ATXN1: variants seen among roughly 807,000 people sequenced by gnomAD.
ATXN1 encodes the protein ataxin 1.
ATXN1 carries 8 observed loss-of-function variants against 56.4 expected under a neutral mutation model. The observed-to-expected ratio is 0.14, with a 90% confidence interval of 0.08 to 0.26. The LOEUF is 0.26. Ranked by LOEUF, ATXN1 falls within the 10% of genes least tolerant of loss-of-function variation. ATXN1 has a pLI of 1.00. For missense variants in ATXN1, 987 were observed against 1,106.5 expected (o/e 0.89, Z 1.53); for synonymous variants, 514 against 494.6 (o/e 1.04, Z -0.52).
At chr6:16,757,849 CATA>C (rs1366326498) in intron 1 of ATXN1, among the ~76,000 whole-genome samples, 2 of 142,946 alleles carry the variant, frequency 1.4e-5, no homozygotes, top group African/African-American at 2.6e-5. Flanking sequence ...TCCTTTTTGC[CATA>C]ATATTATTTC....
intron 6 of ATXN1, among the ~76,000 whole-genome samples, chr6:16,430,956 A>AT (rs1244362349): frequency 3.3e-5 from 5 of 152,084 alleles, no homozygotes; most frequent in Admixed American, 6.5e-5. Context: ...TGCATTTGAG[A>AT]TTTTTTTGTT....
intron 2 of ATXN1, among the ~76,000 whole-genome samples, chr6:16,742,143 T>A (rs1760361962): frequency 6.6e-6 from 1 of 152,170 alleles, no homozygotes; most frequent in African/African-American, 2.4e-5. Context: ...AAACTTGTCT[T>A]ATGGGTCTAT....
chr6:16,447,717 G>C (rs539842606), intron 6 of ATXN1, among the ~76,000 whole-genome samples: 5 of 152,264 alleles, frequency 3.3e-5, no homozygotes, highest in African/African-American at 1.2e-4. Flanking sequence ...CCAGCACTTA[G>C]TAAGCATTAC....
At chr6:16,442,073 T>C (rs936592786) in intron 6 of ATXN1, among the ~76,000 whole-genome samples, 4 of 152,178 alleles carry the variant, frequency 2.6e-5, no homozygotes, top group Admixed American at 1.3e-4. Flanking sequence ...AAAAAATTCT[T>C]TGGACACTCA....
At chr6:16,518,327 A>C (rs1048140551) in intron 5 of ATXN1, among the ~76,000 whole-genome samples, 1 of 152,242 alleles carries the variant, frequency 6.6e-6, no homozygotes, top group Non-Finnish European at 1.5e-5. Flanking sequence ...CTGGGGCTAA[A>C]GCCAACGTGG....
chr6:16,452,781 A>C lies in ATXN1; in HGVS notation c.-161+33191T>G, dbSNP rs371144299. Among the ~76,000 whole-genome samples the C allele has an allele frequency of 5.9e-5, 9 of 152,242 alleles. No homozygotes were observed. The East Asian group carries it at 1.5e-3, about 26-fold the overall frequency. On this transcript the variant is annotated intron_variant, in intron 6 of 7. Coordinates refer to ENST00000436367, the MANE Select transcript of ATXN1 (RefSeq NM_001128164.2). The stretch of plus-strand genomic sequence containing the variant: ...CACAACAAGTTTTATAATAGCAGGT[A>C]GGTTTGTGCATTTATCACTTTTATC...
chr6:16,504,993 C>CTTTTTTT (rs34197922), intron 5 of ATXN1, among the ~76,000 whole-genome samples: 13 of 135,292 alleles, frequency 9.6e-5, no homozygotes, highest in African/African-American at 3.4e-4. Flanking sequence ...CTCCTGTTTC[C>CTTTTTTT]TTTTTTTTTT....
At chr6:16,706,501 G>A (rs536532451) in intron 2 of ATXN1, among the ~76,000 whole-genome samples, 53 of 152,278 alleles carry the variant, frequency 3.5e-4, no homozygotes, top group African/African-American at 1.3e-3. Context: ...GAGGCAAGTG[G>A]ATCACGAGGT....
At chr6:16,524,993 AGTGAGC>A (rs1761363548) in intron 4 of ATXN1, among the ~76,000 whole-genome samples, 2 of 152,184 alleles carry the variant, frequency 1.3e-5, no homozygotes, top group East Asian at 3.8e-4. Context: ...CAGAAGTTGC[AGTGAGC>A]CAAGATCATG....
intron 6 of ATXN1, among the ~76,000 whole-genome samples, chr6:16,443,655 T>C (rs2113601845): frequency 6.6e-6 from 1 of 152,330 alleles, no homozygotes; most frequent in South Asian, 2.1e-4. Context: ...GTTCGGAAAT[T>C]ATTGCAAGTG....
At position 16,326,733 on chromosome 6, in the gene ATXN1, G is replaced by A. The variant is rs148525226; in HGVS notation, c.1578C>T (p.Ala526=). The change falls in exon 7 of 8, where the codon GCC becomes GCT. Residue 526 remains alanine, a synonymous_variant. Coordinates refer to ENST00000436367, the MANE Select transcript of ATXN1 (RefSeq NM_001128164.2). This position sits in a 1 kb window ranked among gnomAD's most constrained non-coding sequence, Gnocchi z 6.6. ...AAVPHTFVTT[A]LPKSENFNPE... Reference sequence around the variant, plus strand: ...GGTTGAAGTTCTCGCTCTTGGGAAGGGCGGTGGTGACGAACGTGTGAGGCA... The same window carrying A: ...GGTTGAAGTTCTCGCTCTTGGGAAGAGCGGTGGTGACGAACGTGTGAGGCA... 5 of 1,613,584 alleles carry A rather than the reference G, an allele frequency of 3.1e-6. No individual in the cohort carries two copies. In the African/African-American group the frequency reaches 6.7e-5, roughly 22 times the overall value.
chr6:16,540,427 G>A (rs989548032), intron 4 of ATXN1, among the ~76,000 whole-genome samples: 1 of 152,058 alleles, frequency 6.6e-6, no homozygotes, highest in Admixed American at 6.6e-5. Context: ...GGCCAGGATG[G>A]TCTCGAACTC....
Position 16,328,070 on chromosome 6 carries a change from A to C in ATXN1, c.241T>G (p.Leu81Val). 1 of 1,613,026 alleles carries C rather than the reference A, an allele frequency of 6.2e-7. No individual in the cohort carries two copies. The highest frequency in any genetic ancestry group is 8.5e-7 in the Non-Finnish European group (1 of 1,179,314). ...GGGGAGTAGTCCAGCCCTGTGGACA[A>C]TGCTTTGTGTAAACCTATTCCCTGT... Reference protein sequence around the residue: ...LQQGIGLHKALSTGLDYSPPS... With the variant: ...LQQGIGLHKAVSTGLDYSPPS... The change falls in exon 7 of 8, where the codon TTG becomes GTG. Residue 81 changes from leucine (L) to valine (V), a missense_variant. Around this residue, in one of 3 missense-constraint regions of ATXN1, gnomAD observed 723 missense variants for 791.7 expected, o/e 0.91. Transcript: ENST00000436367. This position sits in a 1 kb window ranked among gnomAD's most constrained non-coding sequence, Gnocchi z 6.2.
chr6:16,614,297 T>C (rs1423995209), intron 3 of ATXN1, among the ~76,000 whole-genome samples: 1 of 150,278 alleles, frequency 6.7e-6, no homozygotes, highest in African/African-American at 2.5e-5. Context: ...CATGACTCTT[T>C]CTTAAGAATG....
At chr6:16,417,380 A>G (rs1056238726) in intron 6 of ATXN1, among the ~76,000 whole-genome samples, 19 of 152,250 alleles carry the variant, frequency 1.2e-4, no homozygotes, top group Middle Eastern at 3.4e-3. Flanking sequence ...GGAAAGCAGA[A>G]TAAGAAAGTC....
chr6:16,566,488 G>A (rs573232241), intron 4 of ATXN1, among the ~76,000 whole-genome samples: 9 of 151,950 alleles, frequency 5.9e-5, no homozygotes, highest in African/African-American at 1.2e-4. Context: ...CGATCCTCCC[G>A]CCTCAGCCTC....
chr6:16,387,155 T>G (rs895753320), intron 6 of ATXN1, among the ~76,000 whole-genome samples: 1 of 152,188 alleles, frequency 6.6e-6, no homozygotes, highest in African/African-American at 2.4e-5. Flanking sequence ...ACAGATTGAC[T>G]AGGAAGAGCG....
intron 2 of ATXN1, among the ~76,000 whole-genome samples, chr6:16,664,950 A>T (rs147272304): frequency 1.3e-5 from 2 of 152,160 alleles, no homozygotes; most frequent in Non-Finnish European, 2.9e-5. Context: ...TAACATCTTT[A>T]TGAAAAAATA....
rs1760246378 is a variant in ATXN1 at position 16,306,298 on chromosome 6, A to T, written c.*31T>A. ...GTAATCTGGATACAAATGATAAGGG[A>T]GAGCCACGTTTCCTTTCCCCCACGC... is the stretch of plus-strand genomic sequence containing the variant. On this transcript the variant is annotated 3_prime_UTR_variant, in exon 8 of 8. Transcript: ENST00000436367. This position sits in a 1 kb window ranked among gnomAD's most constrained non-coding sequence, Gnocchi z 5.2. The T allele has an allele frequency of 5.1e-6, 8 of 1,565,870 alleles. No individual in the cohort carries two copies. The highest frequency in any genetic ancestry group is 6.9e-6 in the Non-Finnish European group (8 of 1,160,692).
Sources: gnomAD v4.1 joint callset for allele counts (sites outside exome capture counted in the v4.1 genomes callset) on GRCh38, gnomAD v4.1.1 for gene constraint, gnomAD v4.1.1 regional missense constraint, Gnocchi (gnomAD v3.1) non-coding constraint, MANE v1.5 for transcripts, NCBI Gene and HGNC (gene_info 2026-07-23, HGNC 2026-07-21) for gene names.